CCDC6: variants seen among roughly 807,000 people sequenced by gnomAD.
The protein encoded by CCDC6 is coiled-coil domain-containing protein 6.
In CCDC6, 20 loss-of-function variants were observed where a neutral mutation model predicts 56.6. The observed-to-expected ratio is 0.35, with a 90% CI of 0.25 to 0.51. CCDC6 has a LOEUF of 0.51. Among genes scored for constraint, CCDC6 ranks in the 20% least tolerant of loss-of-function variants. The pLI is 0.95. For missense variants in CCDC6, 367 were observed against 601.1 expected, an observed-to-expected ratio of 0.61 and a Z score of 4.07; for synonymous variants, 241 against 234.4, an observed-to-expected ratio of 1.03 and a Z score of -0.26.
intron 3 of CCDC6, among the ~76,000 whole-genome samples, chr10:59,824,702 G>A (rs2070773895): frequency 6.6e-6 from 1 of 152,142 alleles, no homozygotes; most frequent in Non-Finnish European, 1.5e-5. Flanking sequence ...AGGAGAAGAT[G>A]AAGAAAAACA....
Position 59,870,341 on chromosome 10 carries a change from C to T in CCDC6, c.304-17639G>A, listed in dbSNP as rs7899591. ...TTCTCATGACAGAAAAAATAAGGTA[C>T]TATCACTGCTCTTGGAGGAGCTCAG... On this transcript the variant is annotated intron_variant, in intron 1 of 8. Coordinates refer to ENST00000263102, the MANE Select transcript of CCDC6 (RefSeq NM_005436.5). 7.9e-3 allele frequency among the ~76,000 whole-genome samples: 1,210 copies of T among 152,262 alleles called. 18 individuals carry two copies. Among genetic ancestry groups the T allele is most frequent in the African/African-American group, 0.028 (1,156 of 41,536 alleles).
chr10:59,797,660 G>GAC (rs1491378971), intron 7 of CCDC6, among the ~76,000 whole-genome samples: 1 of 107,034 alleles, frequency 9.3e-6, no homozygotes, highest in African/African-American at 5.6e-5. Flanking sequence ...ATGAGTGAGT[G>GAC]AGAGAGAGAG....
intron 3 of CCDC6, among the ~76,000 whole-genome samples, chr10:59,818,141 C>A (rs960762801): frequency 1.3e-5 from 2 of 152,034 alleles, no homozygotes; most frequent in African/African-American, 4.8e-5. Flanking sequence ...ATCTCCTTTG[C>A]CAACAATACT....
chr10:59,902,417 G>A (rs1323966310), intron 1 of CCDC6, among the ~76,000 whole-genome samples: 2 of 113,512 alleles, frequency 1.8e-5, no homozygotes, highest in East Asian at 2.5e-4. Flanking sequence ...TTTTTGAGAT[G>A]AAGTCTGGCT....
chr10:59,815,128 C>G (rs561873897), intron 3 of CCDC6, among the ~76,000 whole-genome samples: 24 of 152,194 alleles, frequency 1.6e-4, no homozygotes, highest in Admixed American at 6.6e-4. Flanking sequence ...CGGGCTTGTC[C>G]CTTACAGTAA....
At chr10:59,811,795 C>T (rs888148917) in intron 5 of CCDC6, among the ~76,000 whole-genome samples, 1 of 151,840 alleles carries the variant, frequency 6.6e-6, no homozygotes, top group East Asian at 1.9e-4. Context: ...GTTGTGGATG[C>T]AGAACCTCCA....
chr10:59,851,688 T>A (rs1405726727), intron 2 of CCDC6, among the ~76,000 whole-genome samples: 1 of 152,156 alleles, frequency 6.6e-6, no homozygotes, highest in Non-Finnish European at 1.5e-5. Flanking sequence ...ATATATATAC[T>A]TCAAGCAAAT....
chr10:59,869,780 G>A (rs2071212148), intron 1 of CCDC6, among the ~76,000 whole-genome samples: 1 of 152,120 alleles, frequency 6.6e-6, no homozygotes, highest in Admixed American at 6.5e-5. Flanking sequence ...AAGAAATAGT[G>A]ATTCCTTGCC....
intron 1 of CCDC6, among the ~76,000 whole-genome samples, chr10:59,870,881 G>C (rs1664254): frequency 0.76 from 115,814 of 152,086 alleles, 44,258 homozygotes; most frequent in East Asian, 0.9. Flanking sequence ...CCACCAGCCC[G>C]GGACTATTAA....
chr10:59,804,190 TAAA>T (rs58723922), intron 7 of CCDC6, among the ~76,000 whole-genome samples: 1 of 146,446 alleles, frequency 6.8e-6, no homozygotes. Flanking sequence ...CCTTTTAGAT[TAAA>T]AAAAAAAAAA....
chr10:59,798,225 C>T (rs1362641490), intron 7 of CCDC6, among the ~76,000 whole-genome samples: 2 of 152,212 alleles, frequency 1.3e-5, no homozygotes, highest in East Asian at 3.8e-4. Flanking sequence ...TTACTCTGAA[C>T]ATACTATCAG....
At chr10:59,868,783 A>G (rs577789782) in intron 1 of CCDC6, among the ~76,000 whole-genome samples, 16 of 152,138 alleles carry the variant, frequency 1.1e-4, no homozygotes, top group Non-Finnish European at 1.9e-4. Flanking sequence ...CTCGGCTCCA[A>G]TGAGCTTCCC....
At chr10:59,800,272 CTG>C (rs1473056451) in intron 7 of CCDC6, among the ~76,000 whole-genome samples, 1 of 152,226 alleles carries the variant, frequency 6.6e-6, no homozygotes, top group Non-Finnish European at 1.5e-5. Context: ...TGTGTGCTCT[CTG>C]TGTGCCTATG....
intron 3 of CCDC6, among the ~76,000 whole-genome samples, chr10:59,827,660 T>C (rs2070799574): frequency 6.6e-6 from 1 of 152,106 alleles, no homozygotes; most frequent in Non-Finnish European, 1.5e-5. Flanking sequence ...TAAGCTAAAA[T>C]TAATATACCA....
At chr10:59,823,438 C>T (rs1448758284) in intron 3 of CCDC6, among the ~76,000 whole-genome samples, 3 of 152,200 alleles carry the variant, frequency 2.0e-5, no homozygotes. Flanking sequence ...CACTTGTTCA[C>T]TCCAGTTCCC....
In CCDC6 at chr10:59,892,167, C is replaced by T. The variant is rs2071426800; in HGVS notation, c.303+13955G>A. Reference sequence around the variant, plus strand: ...AAAGTCCACCTTCTAGAACCCATACCCCCATGAAAGAGGGTCAAAAGTCTC... The same window carrying T: ...AAAGTCCACCTTCTAGAACCCATACTCCCATGAAAGAGGGTCAAAAGTCTC... On this transcript the variant is annotated intron_variant, in intron 1 of 8. Transcript: ENST00000263102. Among the ~76,000 whole-genome samples, 3 of 152,300 alleles carry T rather than the reference C, an allele frequency of 2.0e-5. No homozygotes were observed. In the South Asian group the frequency reaches 6.2e-4, roughly 32 times the overall value.
At position 59,905,991 on chromosome 10, in the gene CCDC6, C is replaced by A. The variant is rs898752685; in HGVS notation, c.303+131G>T. On this transcript the variant is annotated intron_variant, in intron 1 of 8. Transcript: ENST00000263102. Reference sequence around the variant, plus strand: ...CTCTCCTCCCGGAAGCCAGCAGGTCCCCGCAGGGAGTGTGCTCTCAGAGGG... The same window carrying A: ...CTCTCCTCCCGGAAGCCAGCAGGTCACCGCAGGGAGTGTGCTCTCAGAGGG... 11 of 789,648 alleles carry A rather than the reference C, an allele frequency of 1.4e-5. No homozygotes were observed. The African/African-American group carries it at 1.4e-4, about 10-fold the overall frequency. 48.9% of individuals were successfully genotyped at this position (789,648 alleles called of 1,614,324 possible). A position where few individuals can be genotyped will look rare whatever the true frequency, so the allele number is the denominator to read the frequency against.
chr10:59,887,379 C>T (rs1442447045), intron 1 of CCDC6, among the ~76,000 whole-genome samples: 1 of 151,582 alleles, frequency 6.6e-6, no homozygotes, highest in Non-Finnish European at 1.5e-5. Flanking sequence ...TACAAAATGA[C>T]CTACGTTCAA....
chr10:59,868,058 G>T (rs560991836), intron 1 of CCDC6, among the ~76,000 whole-genome samples: 1 of 152,312 alleles, frequency 6.6e-6, no homozygotes, highest in South Asian at 2.1e-4. Context: ...TTACAGGCGT[G>T]TCCTTAACCT....
Sources: gnomAD v4.1 joint callset for allele counts (sites outside exome capture counted in the v4.1 genomes callset) on GRCh38, gnomAD v4.1.1 for gene constraint, MANE v1.5 for transcripts, NCBI Gene and HGNC (gene_info 2026-07-23, HGNC 2026-07-21) for gene names.